CPAMD8: variants seen among roughly 807,000 people sequenced by gnomAD.
The protein encoded by CPAMD8 is C3 and PZP-like alpha-2-macroglobulin domain-containing protein 8.
A neutral mutation model predicts 224.7 loss-of-function variants in CPAMD8; 146 were observed. That is an observed-to-expected ratio of 0.65 (90% CI 0.57 to 0.75). The LOEUF is 0.75. Among genes scored for constraint, CPAMD8 ranks in the 30% least tolerant of loss-of-function variants. The pLI is 0.00. For missense variants in CPAMD8, 2,301 were observed against 2,537.5 expected, an observed-to-expected ratio of 0.91 and a Z score of 2.00; for synonymous variants, 966 against 1,044.6, an observed-to-expected ratio of 0.92 and a Z score of 1.45.
chr19:16,995,643 C>T (rs942765490), intron 11 of CPAMD8, among the ~76,000 whole-genome samples: 12 of 152,204 alleles, frequency 7.9e-5, no homozygotes, highest in Non-Finnish European at 1.3e-4. Context: ...TCAGGTCATC[C>T]GCCCACCTGG....
intron 9 of CPAMD8, among the ~76,000 whole-genome samples, chr19:17,001,041 G>C (rs1178687313): frequency 6.6e-6 from 1 of 152,154 alleles, no homozygotes; most frequent in Non-Finnish European, 1.5e-5. Flanking sequence ...GAGAGTGCAG[G>C]CTGGGCATGG....
chr19:16,925,823 G>A (rs1012519340), intron 25 of CPAMD8, among the ~76,000 whole-genome samples: 1 of 151,550 alleles, frequency 6.6e-6, no homozygotes, highest in African/African-American at 2.4e-5. Flanking sequence ...GCACAATCTC[G>A]GTTCACTGCA....
intron 27 of CPAMD8, among the ~76,000 whole-genome samples, chr19:16,915,238 G>A (rs2052903397): frequency 6.6e-6 from 1 of 152,062 alleles, no homozygotes; most frequent in African/African-American, 2.4e-5. Flanking sequence ...GGAGATCTGT[G>A]CTTCTCTGTG....
At chr19:17,016,774 G>C (rs948234738) in intron 3 of CPAMD8, among the ~76,000 whole-genome samples, 3 of 151,834 alleles carry the variant, frequency 2.0e-5, no homozygotes, top group Non-Finnish European at 4.4e-5. Flanking sequence ...AAGAGAGAAA[G>C]AGAGAGAAAA....
chr19:17,018,492 T>C (rs2056868544), intron 3 of CPAMD8, among the ~76,000 whole-genome samples: 1 of 152,094 alleles, frequency 6.6e-6, no homozygotes, highest in African/African-American at 2.4e-5. Flanking sequence ...ATTCTTCAAT[T>C]TGGCTGTTTA....
Position 16,946,312 on chromosome 19 carries a change from T to C in CPAMD8, c.2663-633A>G, listed in dbSNP as rs1398467270. On this transcript the variant is annotated intron_variant, in intron 21 of 41. Coordinates refer to ENST00000443236, the MANE Select transcript of CPAMD8 (RefSeq NM_015692.5). ...TGATGCATGTCTACACATGCAGGCA[T>C]GTGCGTGTGTGGATTTGTTTGTATA... 2.0e-5 allele frequency among the ~76,000 whole-genome samples: 3 copies of C among 147,496 alleles called. No individual in the cohort carries two copies. In the East Asian group the frequency reaches 6.1e-4, roughly 30 times the overall value.
intron 7 of CPAMD8, among the ~76,000 whole-genome samples, chr19:17,005,955 T>A (rs1258574484): frequency 2.9e-5 from 4 of 138,602 alleles, no homozygotes; most frequent in Non-Finnish European, 4.7e-5. Context: ...TCTACACACA[T>A]CCCAAAGGGT....
Position 16,902,777 on chromosome 19 carries a change from TC to T in CPAMD8, c.4556del (p.Gly1519AspfsTer37). 1 of 1,589,070 alleles carries T rather than the reference TC, an allele frequency of 6.3e-7. No homozygotes were observed. ...LVSLQEPEAQ[G>X]RPPPMPASAA... is the part of the protein sequence containing the mutation. ...CGGAGGCAGGCATGGGGGGCGGGCGTCCCTGGGCCTCAGGCTCCTGGAGGCT... is the reference window on the plus strand; with the variant it reads ...CGGAGGCAGGCATGGGGGGCGGGCGTCCTGGGCCTCAGGCTCCTGGAGGCT... On this transcript the variant is annotated frameshift_variant, in exon 35 of 42. Transcript: ENST00000443236. LOFTEE classifies it high-confidence loss of function.
intron 17 of CPAMD8, 195 bp from the exon 18 acceptor site, chr19:16,971,228 T>G (rs1289404381): frequency 1.3e-5 from 7 of 522,406 alleles, no homozygotes; most frequent in Admixed American, 1.1e-4. Flanking sequence ...TGAGACGGAG[T>G]CTCGCTCTGT....
chr19:16,919,938 T>A (rs993576413), intron 27 of CPAMD8, among the ~76,000 whole-genome samples: 2 of 152,144 alleles, frequency 1.3e-5, no homozygotes, highest in African/African-American at 4.8e-5. Flanking sequence ...ATCCAGGTTC[T>A]TAGAGGGATG....
At chr19:16,946,368 T>G (rs2054085543) in intron 21 of CPAMD8, among the ~76,000 whole-genome samples, 11 of 151,208 alleles carry the variant, frequency 7.3e-5, no homozygotes, top group Admixed American at 7.3e-4. Flanking sequence ...GGGGTGTGTG[T>G]GTGTGGATTT....
intron 13 of CPAMD8, among the ~76,000 whole-genome samples, chr19:16,983,222 G>A (rs190862133): frequency 1.3e-5 from 2 of 152,198 alleles, no homozygotes; most frequent in East Asian, 1.9e-4. Flanking sequence ...CCCCAACATG[G>A]GGAAAGCCCA....
At chr19:16,917,457 A>C (rs898524573) in intron 27 of CPAMD8, among the ~76,000 whole-genome samples, 3 of 152,076 alleles carry the variant, frequency 2.0e-5, no homozygotes, top group Admixed American at 2.0e-4. Context: ...TCTAAAAAGT[A>C]AGATCTATGG....
intron 30 of CPAMD8, among the ~76,000 whole-genome samples, chr19:16,906,200 A>C (rs148071677): frequency 2.0e-3 from 309 of 152,278 alleles, no homozygotes; most frequent in African/African-American, 7.1e-3. Flanking sequence ...GCGATAATGA[A>C]TGAATACTAT....
At chr19:16,921,856 C>A in intron 27 of CPAMD8, 49 bp downstream of exon 27, 1 of 1,227,764 alleles carries the variant, frequency 8.1e-7, no homozygotes. Context: ...GAGGCCATGG[C>A]GTCGGGCGGG....
At chr19:16,896,039 A>G (rs1263361910) in intron 41 of CPAMD8, 137 bp downstream of exon 41, 1 of 927,776 alleles carries the variant, frequency 1.1e-6, no homozygotes, top group East Asian at 2.5e-5. Context: ...TCTGACCCTG[A>G]GTCACTCCCA....
At chr19:16,941,124 G>T (rs1170283672) in intron 22 of CPAMD8, among the ~76,000 whole-genome samples, 1 of 152,090 alleles carries the variant, frequency 6.6e-6, no homozygotes, top group Non-Finnish European at 1.5e-5. Context: ...GTAGAGACGG[G>T]GTTTCACCAT....
intron 6 of CPAMD8, 120 bp downstream of exon 6, chr19:17,009,183 C>T: frequency 6.4e-7 from 1 of 1,569,236 alleles, no homozygotes. Flanking sequence ...AGGTCCCAGC[C>T]TTGTAAGGCA....
At chr19:16,935,996 C>T (rs1313987535) in intron 23 of CPAMD8, among the ~76,000 whole-genome samples, 2 of 151,462 alleles carry the variant, frequency 1.3e-5, no homozygotes, top group African/African-American at 4.9e-5. Flanking sequence ...GGTGCCATCA[C>T]AGTTCACTGC....
Sources: gnomAD v4.1 joint callset for allele counts (sites outside exome capture counted in the v4.1 genomes callset) on GRCh38, gnomAD v4.1.1 for gene constraint, MANE v1.5 for transcripts, NCBI Gene and HGNC (gene_info 2026-07-23, HGNC 2026-07-21) for gene names.